The following STK32B variants were observed in gnomAD, a reference collection of about 807,000 sequenced individuals.
STK32B encodes serine/threonine kinase 32B, also known as serine/threonine-protein kinase 32B.
Under a neutral mutation model 52.6 loss-of-function variants are expected in STK32B, and 43 were observed. The observed-to-expected ratio is 0.82, with a 90% confidence interval of 0.64 to 1.05. The LOEUF (loss-of-function observed/expected upper bound fraction) is 1.05, where lower values mean the gene tolerates loss of function less well. STK32B is among the 50% of genes least tolerant of loss of function. The pLI, the probability that STK32B is intolerant of heterozygous loss-of-function variation, is 0.00. For synonymous variants in STK32B, 238 were observed against 204.3 expected (o/e 1.17, Z -1.41); for missense variants, 621 against 534.6 (o/e 1.16, Z -1.59).
chr4:5,479,373 C>T (rs942346710), intron 11 of STK32B, among the ~76,000 whole-genome samples: 1 of 152,134 alleles, frequency 6.6e-6, no homozygotes, highest in Non-Finnish European at 1.5e-5. Flanking sequence ...CCCACCTCAC[C>T]CTCCCAAAGT....
At chr4:5,176,851 T>G (rs1719943678) in intron 3 of STK32B, among the ~76,000 whole-genome samples, 1 of 152,190 alleles carries the variant, frequency 6.6e-6, no homozygotes, top group African/African-American at 2.4e-5. Context: ...GAAAATTATC[T>G]GCAAATGTCA....
chr4:5,163,538 C>CTGTG (rs3077842), intron 2 of STK32B, among the ~76,000 whole-genome samples: 7,143 of 139,318 alleles, frequency 0.051, 238 homozygotes, highest in South Asian at 0.082. Flanking sequence ...AGAGTGAAGG[C>CTGTG]TGTGTGTGTG....
chr4:5,162,354 C>T (rs1180546857), intron 2 of STK32B, among the ~76,000 whole-genome samples: 1 of 152,166 alleles, frequency 6.6e-6, no homozygotes, highest in Non-Finnish European at 1.5e-5. Flanking sequence ...CCAGGGCCTC[C>T]TAGAGCTTTG....
intron 3 of STK32B, among the ~76,000 whole-genome samples, chr4:5,236,687 C>T (rs573816092): frequency 1.3e-5 from 2 of 152,360 alleles, no homozygotes; most frequent in South Asian, 4.1e-4. Flanking sequence ...GAAATTCATC[C>T]AGACTGTCAC....
At chr4:5,102,905 C>G (rs1159170224) in intron 1 of STK32B, among the ~76,000 whole-genome samples, 1 of 69,276 alleles carries the variant, frequency 1.4e-5, no homozygotes, top group African/African-American at 5.5e-5. Flanking sequence ...CTTCCTTCCT[C>G]CCTCCCCTCC....
chr4:5,166,385 C>T (rs571914464), intron 2 of STK32B, among the ~76,000 whole-genome samples: 1 of 151,114 alleles, frequency 6.6e-6, no homozygotes, highest in East Asian at 2.0e-4. Context: ...AACGGTGTCC[C>T]ACCCCTCCAA....
At chr4:5,266,096 A>G (rs1215792753) in intron 3 of STK32B, among the ~76,000 whole-genome samples, 2 of 152,230 alleles carry the variant, frequency 1.3e-5, no homozygotes, top group Non-Finnish European at 2.9e-5. Flanking sequence ...GTAGTCTCCC[A>G]ATAATCAAAT....
chr4:5,347,223 C>T (rs1014196185), intron 4 of STK32B, among the ~76,000 whole-genome samples: 10 of 152,192 alleles, frequency 6.6e-5, no homozygotes, highest in African/African-American at 2.4e-4. Context: ...CTGGATTCAG[C>T]TAAGAACAGA....
chr4:5,126,377 C>G (rs997349717), intron 1 of STK32B, among the ~76,000 whole-genome samples: 3 of 152,160 alleles, frequency 2.0e-5, no homozygotes, highest in African/African-American at 7.2e-5. Context: ...GCCTTCAGGC[C>G]CCCACTGCCC....
At chr4:5,234,614 T>A (rs1204606402) in intron 3 of STK32B, among the ~76,000 whole-genome samples, 3 of 152,240 alleles carry the variant, frequency 2.0e-5, no homozygotes, top group Non-Finnish European at 4.4e-5. Flanking sequence ...GTGGAAAGGA[T>A]GGATATGGGA....
At position 5,314,843 on chromosome 4, in the gene STK32B, GATAAA is replaced by G. The variant is rs537479328; in HGVS notation, c.261-16370_261-16366del. ...TTAAAACTTTTTATTAAATGAAGGA[GATAAA>G]ATAAAAATACAAATTTTATTTTAAA... On this transcript the variant is annotated intron_variant, in intron 3 of 11. Transcript: ENST00000282908. Among the ~76,000 whole-genome samples, 293 of 151,934 alleles carry G rather than the reference GATAAA, an allele frequency of 1.9e-3. 3 individuals carry two copies. The highest frequency in any genetic ancestry group is 6.2e-3 in the African/African-American group (255 of 41,452).
In STK32B at chr4:5,129,006, T is replaced by C. The variant is rs1715584428; in HGVS notation, c.53-10899T>C. 1.3e-5 allele frequency among the ~76,000 whole-genome samples: 2 copies of C among 152,192 alleles called. 1 individual carries two copies. The highest frequency in any genetic ancestry group is 4.1e-4 in the South Asian group (2 of 4,826). On this transcript the variant is annotated intron_variant, in intron 1 of 11. Coordinates refer to ENST00000282908, the MANE Select transcript of STK32B (RefSeq NM_018401.3). ...GGAGAGCTGTCGATTCCAGCCCTTGTGTAGCCTGTGAGACTGTGGCCTTGA... is the reference window on the plus strand; with the variant it reads ...GGAGAGCTGTCGATTCCAGCCCTTGCGTAGCCTGTGAGACTGTGGCCTTGA...
chr4:5,394,530 G>T lies in STK32B; in HGVS notation c.435-3677G>T, dbSNP rs1202208316. Among the ~76,000 whole-genome samples the T allele has an allele frequency of 6.6e-6, 1 of 152,140 alleles. No homozygotes were observed. Among genetic ancestry groups the T allele is most frequent in the African/African-American group, 2.4e-5 (1 of 41,416 alleles). On this transcript the variant is annotated intron_variant, in intron 4 of 11. Coordinates refer to ENST00000282908, the MANE Select transcript of STK32B (RefSeq NM_018401.3). The surrounding 1 kb of genome is among the most constrained non-coding windows in gnomAD (Gnocchi z 4.2). ...GATTCAGATTCTCCATCTCCTCCAC[G>T]CTGCTTTGCAGGCATCTGCCCAGCA...
At chr4:5,358,783 C>A (rs1019653797) in intron 4 of STK32B, among the ~76,000 whole-genome samples, 4 of 152,088 alleles carry the variant, frequency 2.6e-5, no homozygotes, top group Admixed American at 2.0e-4. Flanking sequence ...GTGCAGCCTC[C>A]CTTTCCCCAT....
At chr4:5,211,123 A>T (rs1329473493) in intron 3 of STK32B, among the ~76,000 whole-genome samples, 1 of 152,124 alleles carries the variant, frequency 6.6e-6, no homozygotes, top group African/African-American at 2.4e-5. Flanking sequence ...CCCTGTCTTG[A>T]AGAGTCCCGT....
intron 1 of STK32B, among the ~76,000 whole-genome samples, chr4:5,089,550 T>C (rs1267148147): frequency 1.3e-5 from 2 of 152,218 alleles, no homozygotes; most frequent in African/African-American, 4.8e-5. Flanking sequence ...TATTTCATGG[T>C]GTATATGTGC....
intron 3 of STK32B, among the ~76,000 whole-genome samples, chr4:5,284,770 C>G: frequency 6.6e-6 from 1 of 152,152 alleles, no homozygotes; most frequent in East Asian, 1.9e-4. Context: ...GTGAGCAGCT[C>G]ATCTTTCCAG....
chr4:5,304,062 G>A (rs1165380898), intron 3 of STK32B, among the ~76,000 whole-genome samples: 1 of 152,102 alleles, frequency 6.6e-6, no homozygotes, highest in African/African-American at 2.4e-5. Context: ...CCAGTACCAT[G>A]CTGTTTGGGT....
rs1053619162 is a variant in STK32B, at chr4:5,395,922, A to G, written c.435-2285A>G. On this transcript the variant is annotated intron_variant, in intron 4 of 11. Coordinates refer to ENST00000282908, the MANE Select transcript of STK32B (RefSeq NM_018401.3). This position sits in a 1 kb window ranked among gnomAD's most constrained non-coding sequence, Gnocchi z 4.4. ...CACATCCGTGCCCCATTCTGTTCTC[A>G]GGATATGAGACAATGTGCGCCGGTG... Among the ~76,000 whole-genome samples the G allele has an allele frequency of 2.0e-5, 3 of 152,156 alleles. No homozygotes were observed. The highest frequency in any genetic ancestry group is 4.4e-5 in the Non-Finnish European group (3 of 68,026).
Sources: gnomAD v4.1 joint callset for allele counts (sites outside exome capture counted in the v4.1 genomes callset) on GRCh38, gnomAD v4.1.1 for gene constraint, Gnocchi (gnomAD v3.1) non-coding constraint, MANE v1.5 for transcripts, NCBI Gene and HGNC (gene_info 2026-07-23, HGNC 2026-07-21) for gene names.